Variants in BIRC6 observed in about 807,000 individuals in gnomAD.
BIRC6 encodes baculoviral IAP repeat containing 6, also known as dual E2 ubiquitin-conjugating enzyme/E3 ubiquitin-protein ligase BIRC6.
BIRC6 carries 98 observed loss-of-function variants against 503.3 expected under a neutral mutation model. That is an observed-to-expected ratio of 0.19 (90% CI 0.17 to 0.23). BIRC6 has a LOEUF of 0.23. Among genes scored for constraint, BIRC6 ranks in the 10% least tolerant of loss-of-function variants. The pLI is 1.00. For missense variants in BIRC6, 5,360 were observed against 5,806.0 expected, an observed-to-expected ratio of 0.92 and a Z score of 2.50; for synonymous variants, 2,240 against 2,078.7, an observed-to-expected ratio of 1.08 and a Z score of -2.11.
In BIRC6 at chr2:32,599,916, T is replaced by G. The variant is rs761511230; in HGVS notation, c.13992+16T>G. 6.2e-7 allele frequency: 1 copy of G among 1,605,190 alleles called. No homozygotes were observed. Among genetic ancestry groups the G allele is most frequent in the Admixed American group, 1.7e-5 (1 of 58,304 alleles). On this transcript the variant is annotated intron_variant, in intron 70 of 73. Transcript: ENST00000421745. ...TGATGGCAAGGTAAATTAATTGCAATTTTTTGTTTCAAATGCCAATGATTG... is the reference window on the plus strand; with the variant it reads ...TGATGGCAAGGTAAATTAATTGCAAGTTTTTGTTTCAAATGCCAATGATTG...
intron 37 of BIRC6, 53 bp from the exon 38 acceptor site, chr2:32,481,267 C>A: frequency 7.1e-7 from 1 of 1,402,760 alleles, no homozygotes; most frequent in Admixed American, 2.6e-5. Context: ...ATTATGTCAT[C>A]TAAATTTTAT....
intron 65 of BIRC6, among the ~76,000 whole-genome samples, chr2:32,569,672 A>AT (rs530518111): frequency 0.026 from 3,506 of 137,250 alleles, 46 homozygotes; most frequent in African/African-American, 0.048. Flanking sequence ...ACACTTGTTC[A>AT]TTTTTTTTTT....
chr2:32,616,818 G>A (rs531501052), intron 73 of BIRC6, among the ~76,000 whole-genome samples: 1 of 152,150 alleles, frequency 6.6e-6, no homozygotes, highest in Non-Finnish European at 1.5e-5. Context: ...TTGAAAGAGT[G>A]TATAGGCTGG....
In BIRC6 at chr2:32,453,702, T is replaced by C. The variant is rs1301222524; in HGVS notation, c.4619-106T>C. The C allele has an allele frequency of 3.1e-5, 34 of 1,098,830 alleles. 1 individual carries two copies. Among genetic ancestry groups the C allele is most frequent in the Non-Finnish European group, 4.4e-5 (33 of 743,208 alleles). 68.1% of individuals were successfully genotyped at this position (1,098,830 alleles called of 1,614,324 possible). A position where few individuals can be genotyped will look rare whatever the true frequency, so the allele number is the denominator to read the frequency against. ...TCAAGCACTGTGTAAGAGTTGTGTATTTATATGTTCTAATTAAAATTGAAG... is the reference window on the plus strand; with the variant it reads ...TCAAGCACTGTGTAAGAGTTGTGTACTTATATGTTCTAATTAAAATTGAAG... On this transcript the variant is annotated intron_variant, in intron 22 of 73. Coordinates refer to ENST00000421745, the MANE Select transcript of BIRC6 (RefSeq NM_016252.4).
At chr2:32,521,200 T>A (rs2055622539) in intron 57 of BIRC6, among the ~76,000 whole-genome samples, 2 of 151,646 alleles carry the variant, frequency 1.3e-5, no homozygotes, top group Non-Finnish European at 2.9e-5. Context: ...TAGATCAACA[T>A]GTATAAGAAT....
At chr2:32,525,990 C>T (rs1299204764) in intron 59 of BIRC6, among the ~76,000 whole-genome samples, 1 of 152,058 alleles carries the variant, frequency 6.6e-6, no homozygotes, top group Non-Finnish European at 1.5e-5. Flanking sequence ...ACTCTTAGAC[C>T]ACTGGTAGTT....
At chr2:32,408,183 A>C (rs992719945) in intron 9 of BIRC6, among the ~76,000 whole-genome samples, 1 of 152,092 alleles carries the variant, frequency 6.6e-6, no homozygotes, top group Non-Finnish European at 1.5e-5. Flanking sequence ...GGCCAGGCTC[A>C]TCTTGAACTC....
At position 32,478,802 on chromosome 2, in the gene BIRC6, A is replaced by G. The variant is rs2050051968; in HGVS notation, c.7236A>G (p.Leu2412=). The change falls in exon 36 of 74, where the codon CTA becomes CTG. Residue 2412 remains leucine (L), a synonymous_variant. Coordinates refer to ENST00000421745, the MANE Select transcript of BIRC6 (RefSeq NM_016252.4). The stretch of plus-strand genomic sequence containing the variant: ...CTCAGTATTCCTTAACTTGCATGCT[A>G]CAAGATATTTTAGCAGGTGTGTTAG... The part of the protein sequence containing the change: ...AWAQYSLTCM[L]QDILAGELLA... 9.3e-6 allele frequency: 15 copies of G among 1,612,654 alleles called. No homozygotes were observed. Among genetic ancestry groups the G allele is most frequent in the Non-Finnish European group, 1.3e-5 (15 of 1,179,584 alleles).
intron 47 of BIRC6, among the ~76,000 whole-genome samples, chr2:32,502,463 T>G (rs563969790): frequency 6.6e-6 from 1 of 152,314 alleles, no homozygotes; most frequent in South Asian, 2.1e-4. Context: ...ATCATTTTTG[T>G]AAACATTTGT....
intron 45 of BIRC6, 93 bp downstream of exon 45, chr2:32,493,760 G>A (rs1028265405): frequency 1.3e-5 from 14 of 1,064,606 alleles, no homozygotes; most frequent in Non-Finnish European, 1.6e-5. Context: ...GAATTTATCT[G>A]TGAACAAATA....
Position 32,415,065 on chromosome 2 carries a change from G to A in BIRC6, c.1774G>A (p.Asp592Asn). The change falls in exon 10 of 74, where the codon GAT becomes AAT. Residue 592 changes from aspartate (D) to asparagine (N), a missense_variant. Physicochemically the swap from Asp to Asn is conservative, Grantham distance 23. Coordinates refer to ENST00000421745, the MANE Select transcript of BIRC6 (RefSeq NM_016252.4). Reference protein sequence around the residue: ...PISSNSHRSLDGLSRTQGESI... With the variant: ...PISSNSHRSLNGLSRTQGESI... ...TAGTAGTAATTCTCACAGGTCACTGGATGGTTTAAGCAGAACTCAGGGTGA... is the reference window on the plus strand; with the variant it reads ...TAGTAGTAATTCTCACAGGTCACTGAATGGTTTAAGCAGAACTCAGGGTGA... 1.2e-6 allele frequency: 2 copies of A among 1,613,890 alleles called. No individual in the cohort carries two copies. Among genetic ancestry groups the A allele is most frequent in the South Asian group, 2.2e-5 (2 of 91,062 alleles).
At chr2:32,375,400 C>A (rs1017761065) in intron 1 of BIRC6, among the ~76,000 whole-genome samples, 1 of 152,120 alleles carries the variant, frequency 6.6e-6, no homozygotes, top group Non-Finnish European at 1.5e-5. Flanking sequence ...GTGGTGTGCT[C>A]CTGTAGTCCT....
intron 56 of BIRC6, 95 bp from the exon 57 acceptor site, chr2:32,518,720 ATT>A: frequency 7.4e-7 from 1 of 1,344,090 alleles, no homozygotes; most frequent in Non-Finnish European, 1.0e-6. Flanking sequence ...TGTAGGATTT[ATT>A]GAGTATTTTA....
chr2:32,485,791 A>G (rs777306346), intron 40 of BIRC6, 32 bp downstream of exon 40: 1 of 1,358,232 alleles, frequency 7.4e-7, no homozygotes, highest in Non-Finnish European at 1.1e-6. Flanking sequence ...AGAGTATTGC[A>G]GTGAATGATT....
chr2:32,471,268 G>A lies in BIRC6; in HGVS notation c.6592+144G>A, dbSNP rs570436159. 5.9e-6 allele frequency: 6 copies of A among 1,020,312 alleles called. No individual in the cohort carries two copies. The African/African-American group carries it at 9.8e-5, about 17-fold the overall frequency. 63.2% of individuals were successfully genotyped at this position (1,020,312 alleles called of 1,614,324 possible). A position where few individuals can be genotyped will look rare whatever the true frequency, so the allele number is the denominator to read the frequency against. On this transcript the variant is annotated intron_variant, in intron 32 of 73. Coordinates refer to ENST00000421745, the MANE Select transcript of BIRC6 (RefSeq NM_016252.4). ...TATGTAATTTAAGGAAAATACAAAT[G>A]AACTTCACTACAATTCTGTTTAAAG...
chr2:32,357,048 C>T lies in BIRC6; in HGVS notation c.-114C>T. ...CTCCCTCCCTGCTTCTCCCCCTCTC[C>T]CGTCAGCCTCCCTCCGAGTTTGGCC... On this transcript the variant is annotated 5_prime_UTR_variant, in exon 1 of 74. Coordinates refer to ENST00000421745, the MANE Select transcript of BIRC6 (RefSeq NM_016252.4). The surrounding 1 kb of genome is among the most constrained non-coding windows in gnomAD (Gnocchi z 4.9). 5.3e-6 allele frequency: 5 copies of T among 938,268 alleles called. No homozygotes were observed. Among genetic ancestry groups the T allele is most frequent in the African/African-American group, 1.8e-5 (1 of 56,338 alleles). 58.1% of individuals were successfully genotyped at this position (938,268 alleles called of 1,614,324 possible).
At chr2:32,431,967 G>C (rs1465950464) in intron 12 of BIRC6, among the ~76,000 whole-genome samples, 1 of 152,166 alleles carries the variant, frequency 6.6e-6, no homozygotes, top group Non-Finnish European at 1.5e-5. Context: ...AATGTGTATG[G>C]TATTTTCAAT....
intron 4 of BIRC6, among the ~76,000 whole-genome samples, chr2:32,390,585 G>T (rs2039102131): frequency 6.6e-6 from 1 of 152,140 alleles, no homozygotes; most frequent in African/African-American, 2.4e-5. Context: ...TAGAGTGCTG[G>T]GATTACAGGT....
chr2:32,388,867 G>A lies in BIRC6; in HGVS notation c.763G>A (p.Val255Met), dbSNP rs1000707763. 6.2e-7 allele frequency: 1 copy of A among 1,613,036 alleles called. No homozygotes were observed. The highest frequency in any genetic ancestry group is 8.5e-7 in the Non-Finnish European group (1 of 1,179,640). Residue 255 changes from valine to methionine, a missense_variant, in exon 4 of 74, where the codon GTG (valine) becomes ATG (methionine). Transcript: ENST00000421745. ...NVAALPVASSVMDRLSYLLPS... is the reference protein window; with the variant it reads ...NVAALPVASSMMDRLSYLLPS... Reference sequence around the variant, plus strand: ...TGCTGCCTTACCTGTGGCGTCCTCAGTGATGGACAGATTGTCTTACCTCTT... The same window carrying A: ...TGCTGCCTTACCTGTGGCGTCCTCAATGATGGACAGATTGTCTTACCTCTT...
Sources: gnomAD v4.1 joint callset for allele counts (sites outside exome capture counted in the v4.1 genomes callset) on GRCh38, gnomAD v4.1.1 for gene constraint, Gnocchi (gnomAD v3.1) non-coding constraint, MANE v1.5 for transcripts, NCBI Gene and HGNC (gene_info 2026-07-23, HGNC 2026-07-21) for gene names.